CNTN3: variants seen among roughly 807,000 people sequenced by gnomAD.
CNTN3 encodes the protein contactin 3.
CNTN3 carries 60 observed loss-of-function variants against 119.1 expected under a neutral mutation model. That is an observed-to-expected ratio of 0.50 (90% confidence interval 0.41 to 0.62). The LOEUF is 0.62. Among genes scored for constraint, CNTN3 ranks in the 20% least tolerant of loss-of-function variants. CNTN3 has a pLI of 0.00. For synonymous variants in CNTN3, 450 were observed against 438.7 expected (o/e 1.03, Z -0.32); for missense variants, 1,101 against 1,242.4 (o/e 0.89, Z 1.71).
At position 74,424,863 on chromosome 3, in the gene CNTN3, G is replaced by C. The variant is rs758074814; in HGVS notation, c.436C>G (p.Pro146Ala). ...GACTTACCTCCAGAGTGTGGTGGGG[G>C]GCCGCAGAGCAGCACAACTCCCTGG... ...EGQGVVLLCG[P>A]PPHSGELSYA... Residue 146 changes from proline to alanine, a missense_variant, in exon 5 of 23, where the codon CCC becomes GCC. Coordinates refer to ENST00000263665, the MANE Select transcript of CNTN3 (RefSeq NM_020872.3). 6.2e-7 allele frequency: 1 copy of C among 1,613,466 alleles called. No individual in the cohort carries two copies. The highest frequency in any genetic ancestry group is 1.1e-5 in the South Asian group (1 of 91,046).
At chr3:74,532,508 G>A (rs1417037817) in intron 1 of CNTN3, among the ~76,000 whole-genome samples, 3 of 151,916 alleles carry the variant, frequency 2.0e-5, no homozygotes, top group African/African-American at 7.3e-5. Flanking sequence ...GAAATCCACT[G>A]TAATAAAAAT....
chr3:74,435,201 G>T (rs2106917037), intron 4 of CNTN3, among the ~76,000 whole-genome samples: 1 of 152,184 alleles, frequency 6.6e-6, no homozygotes, highest in Non-Finnish European at 1.5e-5. Context: ...TTGAAACAGG[G>T]TCTTGCTCTG....
intron 2 of CNTN3, among the ~76,000 whole-genome samples, chr3:74,512,537 G>A (rs1703384464): frequency 1.3e-5 from 2 of 151,408 alleles, no homozygotes; most frequent in Admixed American, 1.3e-4. Context: ...AATATCAATG[G>A]GAAACTCAAC....
At chr3:74,329,127 C>T (rs1703200127) in intron 13 of CNTN3, among the ~76,000 whole-genome samples, 1 of 152,066 alleles carries the variant, frequency 6.6e-6, no homozygotes, top group Admixed American at 6.6e-5. Context: ...GTCAAAGTGG[C>T]CACTTGTATT....
intron 20 of CNTN3, among the ~76,000 whole-genome samples, chr3:74,273,756 A>G (rs553122339): frequency 2.0e-5 from 3 of 152,328 alleles, no homozygotes; most frequent in Admixed American, 1.3e-4. Context: ...CACCACAAGA[A>G]GGAAATCTCC....
At chr3:74,360,991 T>C (rs1704060258) in intron 11 of CNTN3, among the ~76,000 whole-genome samples, 2 of 151,980 alleles carry the variant, frequency 1.3e-5, no homozygotes, top group Non-Finnish European at 2.9e-5. Context: ...CAAATTTAAT[T>C]ACCTTTTGCC....
intron 20 of CNTN3, among the ~76,000 whole-genome samples, chr3:74,281,222 G>C (rs1176038955): frequency 6.6e-6 from 1 of 152,194 alleles, no homozygotes; most frequent in Non-Finnish European, 1.5e-5. Flanking sequence ...GGCAAAGGCA[G>C]AAACAGGATG....
chr3:74,453,728 T>C (rs201035473), intron 4 of CNTN3, among the ~76,000 whole-genome samples: 29,638 of 150,516 alleles, frequency 0.2, 3,559 homozygotes, highest in East Asian at 0.46. Flanking sequence ...TTTGTTCTCG[T>C]TGGTTTCAAA....
chr3:74,367,229 C>G (rs914056405), intron 8 of CNTN3, among the ~76,000 whole-genome samples: 2 of 151,886 alleles, frequency 1.3e-5, no homozygotes, highest in South Asian at 4.2e-4. Flanking sequence ...ATGCTTTATG[C>G]CATTAATTTC....
intron 20 of CNTN3, among the ~76,000 whole-genome samples, chr3:74,269,749 TA>T (rs1313319152): frequency 1.3e-5 from 2 of 152,106 alleles, no homozygotes; most frequent in Non-Finnish European, 2.9e-5. Context: ...CTAAGTGAAA[TA>T]AGCCAGACAC....
At chr3:74,420,007 C>T (rs1323101189) in intron 5 of CNTN3, among the ~76,000 whole-genome samples, 1 of 152,206 alleles carries the variant, frequency 6.6e-6, no homozygotes, top group African/African-American at 2.4e-5. Context: ...TGATGCATGT[C>T]CAGTCTTCTA....
intron 5 of CNTN3, among the ~76,000 whole-genome samples, chr3:74,391,059 G>T (rs927843657): frequency 3.9e-5 from 6 of 152,130 alleles, no homozygotes; most frequent in African/African-American, 7.2e-5. Context: ...GAATGAAAGG[G>T]TTTTAATAAC....
intron 5 of CNTN3, among the ~76,000 whole-genome samples, chr3:74,395,378 T>TACAC (rs35050785): frequency 0.012 from 1,811 of 150,396 alleles, 13 homozygotes; most frequent in African/African-American, 0.023. Flanking sequence ...CACACACACA[T>TACAC]ACACACACAC....
intron 4 of CNTN3, among the ~76,000 whole-genome samples, chr3:74,475,052 T>C (rs1223321408): frequency 6.6e-6 from 1 of 152,146 alleles, no homozygotes; most frequent in Non-Finnish European, 1.5e-5. Context: ...CAGAACTTTT[T>C]TACTTATAAA....
chr3:74,358,432 C>T (rs1256273324), intron 11 of CNTN3, among the ~76,000 whole-genome samples: 1 of 150,624 alleles, frequency 6.6e-6, no homozygotes, highest in Non-Finnish European at 1.5e-5. Flanking sequence ...TGGGTGCATT[C>T]CCGTCCATAA....
At chr3:74,284,220 GTA>G (rs1449547010) in intron 20 of CNTN3, among the ~76,000 whole-genome samples, 3 of 151,990 alleles carry the variant, frequency 2.0e-5, no homozygotes, top group African/African-American at 7.2e-5. Flanking sequence ...AGACAAAAAA[GTA>G]TGTTTTCAAA....
intron 13 of CNTN3, among the ~76,000 whole-genome samples, chr3:74,327,458 G>C (rs1314703745): frequency 6.6e-6 from 1 of 151,920 alleles, no homozygotes; most frequent in Non-Finnish European, 1.5e-5. Context: ...TGTTCAATCT[G>C]GTTTGCTAAA....
intron 5 of CNTN3, among the ~76,000 whole-genome samples, chr3:74,380,124 C>T (rs1704578519): frequency 6.6e-6 from 1 of 152,188 alleles, no homozygotes; most frequent in African/African-American, 2.4e-5. Flanking sequence ...CATTTCTTCT[C>T]TACTTCCTCA....
intron 20 of CNTN3, among the ~76,000 whole-genome samples, chr3:74,283,487 C>A (rs1008445864): frequency 6.6e-6 from 1 of 152,072 alleles, no homozygotes; most frequent in African/African-American, 2.4e-5. Context: ...AATTTTCATT[C>A]ATTCATTGTA....
Sources: gnomAD v4.1 joint callset for allele counts (sites outside exome capture counted in the v4.1 genomes callset) on GRCh38, gnomAD v4.1.1 for gene constraint, MANE v1.5 for transcripts, NCBI Gene and HGNC (gene_info 2026-07-23, HGNC 2026-07-21) for gene names.